MAST4: variants seen among roughly 807,000 people sequenced by gnomAD.
MAST4 encodes the protein microtubule associated serine/threonine kinase family member 4.
A neutral mutation model predicts 162.7 loss-of-function variants in MAST4; 89 were observed. That is an observed-to-expected ratio of 0.55 (90% CI 0.46 to 0.65). The LOEUF (loss-of-function observed/expected upper bound fraction) is 0.65, where lower values mean the gene tolerates loss of function less well. Among genes scored for constraint, MAST4 ranks in the 30% least tolerant of loss-of-function variants. The probability of loss-of-function intolerance (pLI) is 0.00; values close to 1 mark genes in which losing one functional copy is unlikely to be tolerated. For synonymous variants in MAST4, 1,479 were observed against 1,361.1 expected (o/e 1.09, Z -1.91); for missense variants, 3,153 against 3,374.0 (o/e 0.93, Z 1.62).
chr5:67,031,455 G>T (rs553995088), intron 4 of MAST4, among the ~76,000 whole-genome samples: 107 of 148,546 alleles, frequency 7.2e-4, no homozygotes, highest in Admixed American at 6.9e-3. Flanking sequence ...TATCATAATG[G>T]ATGGTGACTA....
intron 1 of MAST4, among the ~76,000 whole-genome samples, chr5:66,673,776 C>T (rs1271708850): frequency 5.3e-5 from 8 of 152,174 alleles, no homozygotes. Flanking sequence ...GCGTGAGCCA[C>T]TGCACCTTGC....
At chr5:66,613,064 A>T (rs1743399333) in intron 1 of MAST4, among the ~76,000 whole-genome samples, 1 of 152,170 alleles carries the variant, frequency 6.6e-6, no homozygotes, top group South Asian at 2.1e-4. Context: ...CTAGGTAATT[A>T]AACAATGTTT....
intron 3 of MAST4, among the ~76,000 whole-genome samples, chr5:66,833,485 G>A (rs981806713): frequency 1.3e-5 from 2 of 152,040 alleles, no homozygotes; most frequent in African/African-American, 4.8e-5. Context: ...TCTACTCCAG[G>A]GTAGGCTAAA....
intron 1 of MAST4, among the ~76,000 whole-genome samples, chr5:66,694,868 A>G (rs1165091203): frequency 6.6e-6 from 1 of 151,948 alleles, no homozygotes; most frequent in East Asian, 1.9e-4. Flanking sequence ...CCCATGTTTA[A>G]TGCCTTTTTT....
chr5:67,015,152 T>C (rs1753126932), intron 4 of MAST4, among the ~76,000 whole-genome samples: 1 of 152,206 alleles, frequency 6.6e-6, no homozygotes, highest in African/African-American at 2.4e-5. Context: ...CCCTTTATAC[T>C]TTTTTTCAGT....
chr5:66,793,286 G>A (rs1287534226), intron 3 of MAST4, among the ~76,000 whole-genome samples: 3 of 152,210 alleles, frequency 2.0e-5, no homozygotes, highest in East Asian at 1.9e-4. Context: ...CAGAATACAT[G>A]CTCAGCCAGT....
At chr5:66,764,645 A>C (rs1459238689) in intron 2 of MAST4, among the ~76,000 whole-genome samples, 1 of 152,138 alleles carries the variant, frequency 6.6e-6, no homozygotes, top group African/African-American at 2.4e-5. Flanking sequence ...AAAGTAAAAG[A>C]AAAAAATAGA....
chr5:67,078,928 ATATATATATATATATATATATATG>A (rs1459749194), intron 5 of MAST4, among the ~76,000 whole-genome samples: 2 of 84,502 alleles, frequency 2.4e-5, no homozygotes, highest in African/African-American at 1.3e-4. Flanking sequence ...ATATATATAT[ATATATATATATATATATATATATG>A]GCAATCTGAT....
chr5:66,972,335 T>C (rs1747542913), intron 4 of MAST4, among the ~76,000 whole-genome samples: 1 of 152,220 alleles, frequency 6.6e-6, no homozygotes, highest in Admixed American at 6.5e-5. Flanking sequence ...CTCTGACAGT[T>C]TGCTTAGCTG....
At chr5:67,082,446 T>C (rs1389947480) in intron 5 of MAST4, among the ~76,000 whole-genome samples, 1 of 152,118 alleles carries the variant, frequency 6.6e-6, no homozygotes, top group Non-Finnish European at 1.5e-5. Context: ...CTGCAGTCTT[T>C]AAAAGTGTCA....
chr5:66,632,901 AAAATACAC>A (rs1453424560), intron 1 of MAST4, among the ~76,000 whole-genome samples: 2 of 152,238 alleles, frequency 1.3e-5, no homozygotes, highest in African/African-American at 2.4e-5. Context: ...AATAACAGGT[AAAATACAC>A]AAATACACAT....
chr5:67,025,657 A>C (rs1415328113), intron 4 of MAST4, among the ~76,000 whole-genome samples: 1 of 152,204 alleles, frequency 6.6e-6, no homozygotes, highest in African/African-American at 2.4e-5. Context: ...GTTATACAAA[A>C]AAAGTAACCT....
intron 4 of MAST4, among the ~76,000 whole-genome samples, chr5:66,951,708 C>G (rs1744728853): frequency 7.0e-6 from 1 of 142,164 alleles, no homozygotes; most frequent in East Asian, 2.2e-4. Context: ...TAACTTTGTG[C>G]TTTTCTTTGG....
chr5:66,614,526 C>T (rs1007562834), intron 1 of MAST4, among the ~76,000 whole-genome samples: 1 of 152,056 alleles, frequency 6.6e-6, no homozygotes, highest in Non-Finnish European at 1.5e-5. Context: ...CTCTAGAATT[C>T]GTTGAGTCTT....
At chr5:66,815,966 G>C (rs936733279) in intron 3 of MAST4, among the ~76,000 whole-genome samples, 2 of 152,136 alleles carry the variant, frequency 1.3e-5, no homozygotes, top group South Asian at 2.1e-4. Context: ...GAACCTGTTA[G>C]CTTTTAATAA....
At chr5:66,653,530 T>C (rs1561240132) in intron 1 of MAST4, among the ~76,000 whole-genome samples, 1 of 152,204 alleles carries the variant, frequency 6.6e-6, no homozygotes, top group Non-Finnish European at 1.5e-5. Context: ...CATTCAAGGC[T>C]CTTTCTAATC....
intron 4 of MAST4, among the ~76,000 whole-genome samples, chr5:66,904,447 A>G (rs1411988653): frequency 6.6e-6 from 1 of 152,182 alleles, no homozygotes; most frequent in Non-Finnish European, 1.5e-5. Flanking sequence ...CCGTATAGAG[A>G]AGAAGGAAAC....
At chr5:66,856,656 C>G (rs2149826389) in intron 3 of MAST4, among the ~76,000 whole-genome samples, 1 of 152,300 alleles carries the variant, frequency 6.6e-6, no homozygotes, top group East Asian at 1.9e-4. Context: ...GATTGCCTTC[C>G]TGATTTTAAA....
At chr5:67,061,669 C>T (rs1200809660) in intron 5 of MAST4, among the ~76,000 whole-genome samples, 1 of 151,924 alleles carries the variant, frequency 6.6e-6, no homozygotes, top group East Asian at 1.9e-4. Context: ...ACTGGTCTTG[C>T]TCTCAGCATC....
Sources: allele counts gnomAD v4.1 joint callset (sites outside exome capture counted in the v4.1 genomes callset), GRCh38; gene constraint gnomAD v4.1.1; transcripts MANE v1.5; gene names NCBI Gene and HGNC (gene_info 2026-07-23, HGNC 2026-07-21).